ACBD6: variants seen among roughly 807,000 people sequenced by gnomAD.
The protein encoded by ACBD6 is acyl-CoA binding domain containing 6.
A neutral mutation model predicts 37.2 loss-of-function variants in ACBD6; 28 were observed. The ratio of observed to expected loss-of-function variants is 0.75; its 90% CI spans 0.56 to 1.03. ACBD6 has a LOEUF of 1.03. Ranked by LOEUF, ACBD6 falls within the 50% of genes least tolerant of loss-of-function variation. ACBD6 has a pLI of 0.00. For missense variants in ACBD6, 340 were observed against 337.4 expected (o/e 1.01, Z -0.06); for synonymous variants, 113 against 126.8 (o/e 0.89, Z 0.73).
chr1:180,293,302 T>A (rs1270179993), intron 7 of ACBD6, among the ~76,000 whole-genome samples: 1 of 150,152 alleles, frequency 6.7e-6, no homozygotes, highest in Non-Finnish European at 1.5e-5. Flanking sequence ...GAATTTTTTT[T>A]TTTTTTTTTT....
At chr1:180,352,731 C>T (rs7532972) in intron 6 of ACBD6, among the ~76,000 whole-genome samples, 143,495 of 152,272 alleles carry the variant, frequency 0.94, 67,659 homozygotes, top group East Asian at 0.98. Flanking sequence ...AGAGATAAGA[C>T]TTTCAATACT....
chr1:180,408,456 G>T (rs906280437), intron 5 of ACBD6, among the ~76,000 whole-genome samples: 9 of 152,024 alleles, frequency 5.9e-5, no homozygotes, highest in Non-Finnish European at 1.3e-4. Context: ...ACTCATAGGT[G>T]GGAATTGAAC....
At chr1:180,349,935 C>T (rs1267595896) in intron 6 of ACBD6, among the ~76,000 whole-genome samples, 1 of 151,546 alleles carries the variant, frequency 6.6e-6, no homozygotes, top group Non-Finnish European at 1.5e-5. Context: ...CTAATTTCCT[C>T]CTCCTAACAA....
chr1:180,402,114 A>G (rs984921642), intron 5 of ACBD6, among the ~76,000 whole-genome samples: 44 of 152,230 alleles, frequency 2.9e-4, no homozygotes, highest in African/African-American at 1.0e-3. Flanking sequence ...AACTACCAAC[A>G]ACCTGTAATG....
At chr1:180,463,808 C>T (rs1053199157) in intron 3 of ACBD6, among the ~76,000 whole-genome samples, 9 of 152,074 alleles carry the variant, frequency 5.9e-5, no homozygotes, top group Admixed American at 1.3e-4. Flanking sequence ...AAATCCTCAG[C>T]AAAATACTGG....
chr1:180,340,831 G>A (rs914604843), intron 6 of ACBD6, among the ~76,000 whole-genome samples: 6 of 151,998 alleles, frequency 3.9e-5, no homozygotes, highest in South Asian at 2.1e-4. Flanking sequence ...GAGAATTTGC[G>A]GAAGTTCTTT....
chr1:180,271,737 G>A, exon 14 of ACBD6: 1 of 1,415,960 alleles, frequency 7.1e-7, no homozygotes, highest in Non-Finnish European at 1.0e-6. Flanking sequence ...GCTCCATTCA[G>A]GCTTCAGTCT....
intron 10 of ACBD6, chr1:180,274,159 A>C: frequency 6.2e-7 from 1 of 1,614,134 alleles, no homozygotes; most frequent in Non-Finnish European, 8.5e-7. Flanking sequence ...GCAGCTGACA[A>C]TAAATCTCCG....
At chr1:180,459,154 CAG>C (rs1650030623) in intron 3 of ACBD6, among the ~76,000 whole-genome samples, 1 of 152,132 alleles carries the variant, frequency 6.6e-6, no homozygotes, top group Admixed American at 6.5e-5. Context: ...GGTAGTCTAA[CAG>C]ATAACTTAAA....
chr1:180,275,402 A>C (rs572639772), exon 10 of ACBD6: 15 of 152,356 alleles, frequency 9.8e-5, no homozygotes, highest in African/African-American at 3.4e-4. Flanking sequence ...TGGGCTGTAA[A>C]ATGAGCAAAA....
chr1:180,400,842 A>T (rs59357483), intron 5 of ACBD6, among the ~76,000 whole-genome samples: 93 of 152,258 alleles, frequency 6.1e-4, no homozygotes, highest in Non-Finnish European at 1.1e-3. Context: ...TACAATTATT[A>T]AACTATTTTA....
intron 6 of ACBD6, among the ~76,000 whole-genome samples, chr1:180,396,378 A>G (rs1654260892): frequency 6.6e-6 from 1 of 152,182 alleles, no homozygotes; most frequent in African/African-American, 2.4e-5. Context: ...AATTTTAATG[A>G]CCTTGGATTT....
intron 3 of ACBD6, among the ~76,000 whole-genome samples, chr1:180,450,749 C>T (rs1260253365): frequency 6.6e-6 from 1 of 151,890 alleles, no homozygotes; most frequent in East Asian, 1.9e-4. Context: ...GACAGTGAGA[C>T]TCTGTCAAAA....
chr1:180,383,772 A>T (rs1436311404), intron 6 of ACBD6, among the ~76,000 whole-genome samples: 2 of 152,242 alleles, frequency 1.3e-5, no homozygotes, highest in African/African-American at 2.4e-5. Flanking sequence ...TTCAAAATAT[A>T]TTATAATGCT....
rs1034829535 is a variant in ACBD6 at position 180,456,105 on chromosome 1, G to A, written c.385-25843C>T. Among the ~76,000 whole-genome samples the A allele has an allele frequency of 7.2e-5, 11 of 151,834 alleles. No individual in the cohort carries two copies. The South Asian group carries it at 1.0e-3, about 14-fold the overall frequency. On this transcript the variant is annotated intron_variant, in intron 3 of 7. Transcript: ENST00000367595. Reference sequence around the variant, plus strand: ...CACATGCCTATAGTCCCAGCTACTCGGGAGGCTGAGGCAGGGGAATCACAT... The same window carrying A: ...CACATGCCTATAGTCCCAGCTACTCAGGAGGCTGAGGCAGGGGAATCACAT...
chr1:180,271,433 C>T, exon 14 of ACBD6: 1 of 1,614,164 alleles, frequency 6.2e-7, no homozygotes, highest in South Asian at 1.1e-5. Context: ...AGCCAAGCAG[C>T]TGGAGACATT....
chr1:180,271,618 G>A lies in ACBD6; in HGVS notation c.*1607C>T, dbSNP rs74132442. On this transcript the variant is annotated 3_prime_UTR_variant, in exon 14 of 14. Transcript: ENST00000642319. Reference sequence around the variant, plus strand: ...GGTATCCTGAGTGACATCAGCTCACGGGTGGTTGGGCTCAGGGCTTGACCC... The same window carrying A: ...GGTATCCTGAGTGACATCAGCTCACAGGTGGTTGGGCTCAGGGCTTGACCC... 8.3e-4 allele frequency: 1,268 copies of A among 1,533,684 alleles called. 12 individuals carry two copies. In the African/African-American group the frequency reaches 0.015, roughly 19 times the overall value.
chr1:180,497,287 T>C (rs2102101062), intron 1 of ACBD6, among the ~76,000 whole-genome samples: 1 of 152,282 alleles, frequency 6.6e-6, no homozygotes, highest in African/African-American at 2.4e-5. Flanking sequence ...ACATTATACA[T>C]GGCCATCCAA....
At chr1:180,500,604 C>T (rs1215803416) in intron 1 of ACBD6, among the ~76,000 whole-genome samples, 1 of 149,670 alleles carries the variant, frequency 6.7e-6, no homozygotes, top group Non-Finnish European at 1.5e-5. Context: ...TGGGACAGGA[C>T]AATCGCTTGA....
Sources: allele counts gnomAD v4.1 joint callset (sites outside exome capture counted in the v4.1 genomes callset), GRCh38; gene constraint gnomAD v4.1.1; transcripts MANE v1.5; gene names NCBI Gene and HGNC (gene_info 2026-07-23, HGNC 2026-07-21).